The following TMCC3 variants were observed in gnomAD, a reference collection of about 807,000 sequenced individuals.
TMCC3 encodes the protein transmembrane and coiled-coil domain protein 3.
In TMCC3, 28 loss-of-function variants were observed where a neutral mutation model predicts 40.2. The ratio of observed to expected loss-of-function variants is 0.70; its 90% CI spans 0.52 to 0.95. The LOEUF (loss-of-function observed/expected upper bound fraction) is 0.95. Among genes scored for constraint, TMCC3 ranks in the 40% least tolerant of loss-of-function variants. TMCC3 has a pLI of 0.00. For synonymous variants in TMCC3, 255 were observed against 248.5 expected (o/e 1.03, Z -0.25); for missense variants, 554 against 615.2 (o/e 0.90, Z 1.05).
intron 3 of TMCC3, among the ~76,000 whole-genome samples, 170 bp from the exon 4 acceptor site, chr12:94,571,907 C>T (rs2068531805): frequency 6.6e-6 from 1 of 152,200 alleles, no homozygotes; most frequent in African/African-American, 2.4e-5. Context: ...GAACAAGAAT[C>T]CCAGGCTCAT....
Position 94,580,670 on chromosome 12 carries a change from G to A in TMCC3, c.995+952C>T, listed in dbSNP as rs184260641. Reference sequence around the variant, plus strand: ...GGATCGCTTGAAACCAGAAGGCAGAGGTTGCAGTGAGCCAAGATCGCACCA... The same window carrying A: ...GGATCGCTTGAAACCAGAAGGCAGAAGTTGCAGTGAGCCAAGATCGCACCA... On this transcript the variant is annotated intron_variant, in intron 2 of 3. Coordinates refer to ENST00000261226, the MANE Select transcript of TMCC3 (RefSeq NM_020698.4). 2.9e-4 allele frequency among the ~76,000 whole-genome samples: 44 copies of A among 152,268 alleles called. 1 individual carries two copies. The East Asian group carries it at 7.9e-3, about 27-fold the overall frequency.
chr12:94,598,494 A>G (rs2138846806), intron 1 of TMCC3: 3 of 778,498 alleles, frequency 3.9e-6, no homozygotes, highest in South Asian at 1.2e-4. Context: ...TTTGGCATTC[A>G]TAAGTTCTCA....
At chr12:94,644,823 C>T (rs2069009536) in intron 1 of TMCC3, among the ~76,000 whole-genome samples, 1 of 152,200 alleles carries the variant, frequency 6.6e-6, no homozygotes, top group African/African-American at 2.4e-5. Context: ...CACTGCCCAA[C>T]CAGTTCCACT....
chr12:94,598,287 C>A (rs370394567), intron 1 of TMCC3, among the ~76,000 whole-genome samples: 2 of 152,174 alleles, frequency 1.3e-5, no homozygotes, highest in South Asian at 2.1e-4. Flanking sequence ...TTTCTGTGTA[C>A]GCCAAACCAT....
Position 94,582,143 on chromosome 12 carries a change from G to A in TMCC3, c.474C>T (p.Asp158=). The A allele has an allele frequency of 6.2e-7, 1 of 1,614,152 alleles. No individual in the cohort carries two copies. The highest frequency in any genetic ancestry group is 8.5e-7 in the Non-Finnish European group (1 of 1,180,024). ...ASRSSKDISK[D]HLKDIHRSLK... Reference sequence around the variant, plus strand: ...AAGAGCGATGTATATCCTTCAGGTGGTCTTTGGAAATGTCCTTTGAGCTCC... The same window carrying A: ...AAGAGCGATGTATATCCTTCAGGTGATCTTTGGAAATGTCCTTTGAGCTCC... The change falls in exon 2 of 4, where the codon GAC becomes GAT. Residue 158 remains aspartate, a synonymous_variant. Transcript: ENST00000261226.
rs1325440359 is a variant in TMCC3 at position 94,570,484 on chromosome 12, T to C, written c.*951A>G. 1 of 152,164 alleles carries C rather than the reference T, an allele frequency of 6.6e-6. No homozygotes were observed. The highest frequency in any genetic ancestry group is 1.5e-5 in the Non-Finnish European group (1 of 68,046). The allele number at this position is 152,164 out of a possible 1,614,324, so 9.4% of individuals were successfully genotyped here. A position where few individuals can be genotyped will look rare whatever the true frequency, so the allele number is the denominator to read the frequency against. On this transcript the variant is annotated 3_prime_UTR_variant, in exon 4 of 4. Transcript: ENST00000261226. ...AGATTTGCCAAAAAACAGCCAGGCA[T>C]GGTGGCTTGTGCCTGCAGTCCCGGC...
At chr12:94,574,360 C>T (rs1348164085) in intron 3 of TMCC3, among the ~76,000 whole-genome samples, 2 of 151,114 alleles carry the variant, frequency 1.3e-5, no homozygotes, top group South Asian at 4.2e-4. Flanking sequence ...TACACTCCAG[C>T]CCAGGCAACA....
At chr12:94,640,616 A>C (rs562914032) in intron 1 of TMCC3, among the ~76,000 whole-genome samples, 1 of 152,312 alleles carries the variant, frequency 6.6e-6, no homozygotes, top group East Asian at 1.9e-4. Context: ...CAAGCAAATA[A>C]CAGTGCAGGT....
At chr12:94,617,774 G>C (rs1162795794) in intron 1 of TMCC3, among the ~76,000 whole-genome samples, 1 of 152,188 alleles carries the variant, frequency 6.6e-6, no homozygotes, top group South Asian at 2.1e-4. Context: ...CTCTGTGTTG[G>C]GGGTGGGATG....
chr12:94,602,325 G>A (rs2138851099), intron 1 of TMCC3, among the ~76,000 whole-genome samples: 1 of 152,290 alleles, frequency 6.6e-6, no homozygotes, highest in Non-Finnish European at 1.5e-5. Flanking sequence ...CTAAGACCTC[G>A]CATACTGAGA....
intron 1 of TMCC3, among the ~76,000 whole-genome samples, chr12:94,590,292 G>C (rs1355530125): frequency 2.7e-5 from 3 of 113,050 alleles, no homozygotes; most frequent in Non-Finnish European, 5.2e-5. Flanking sequence ...TTTTAGAAGA[G>C]ATGGGGTTTT....
chr12:94,644,521 G>A (rs571705653), intron 1 of TMCC3: 8 of 709,608 alleles, frequency 1.1e-5, no homozygotes, highest in African/African-American at 3.9e-5. Context: ...GGTGGTGGCC[G>A]GCAGTTCCTT....
At chr12:94,608,868 GA>G (rs1244789310) in intron 1 of TMCC3, among the ~76,000 whole-genome samples, 12 of 152,330 alleles carry the variant, frequency 7.9e-5, no homozygotes, top group African/African-American at 2.9e-4. Context: ...ACATCAGCAT[GA>G]CAGATGTTTG....
chr12:94,628,420 C>T (rs2068915019), intron 1 of TMCC3, among the ~76,000 whole-genome samples: 1 of 152,198 alleles, frequency 6.6e-6, no homozygotes. Flanking sequence ...TTACACTGAC[C>T]TTCTCATACT....
chr12:94,621,405 T>C (rs1007413300), intron 1 of TMCC3, among the ~76,000 whole-genome samples: 1 of 152,214 alleles, frequency 6.6e-6, no homozygotes, highest in African/African-American at 2.4e-5. Context: ...ACCTGGACTG[T>C]GCATCTGACA....
At chr12:94,593,545 G>A (rs1004688677) in intron 1 of TMCC3, among the ~76,000 whole-genome samples, 2 of 151,372 alleles carry the variant, frequency 1.3e-5, no homozygotes, top group South Asian at 4.2e-4. Context: ...TTGGAACAGG[G>A]GCTAGAATAC....
At chr12:94,577,109 T>C (rs1008052075) in intron 3 of TMCC3, among the ~76,000 whole-genome samples, 32 of 152,166 alleles carry the variant, frequency 2.1e-4, no homozygotes, top group African/African-American at 6.8e-4. Flanking sequence ...CTGTGAAGTG[T>C]TTTGCTAGTA....
intron 1 of TMCC3, among the ~76,000 whole-genome samples, chr12:94,615,124 G>T (rs902666086): frequency 6.6e-6 from 1 of 152,152 alleles, no homozygotes; most frequent in African/African-American, 2.4e-5. Flanking sequence ...TAATAAATGT[G>T]TGCAAATATT....
At chr12:94,643,141 G>A (rs553277118) in intron 1 of TMCC3, among the ~76,000 whole-genome samples, 15 of 152,078 alleles carry the variant, frequency 9.9e-5, no homozygotes, top group South Asian at 6.2e-4. Flanking sequence ...GCAGTGAGCC[G>A]AGATTGCACC....
Sources: gnomAD v4.1 joint callset for allele counts (sites outside exome capture counted in the v4.1 genomes callset) on GRCh38, gnomAD v4.1.1 for gene constraint, MANE v1.5 for transcripts, NCBI Gene and HGNC (gene_info 2026-07-23, HGNC 2026-07-21) for gene names.